IL21R: variants seen among roughly 807,000 people sequenced by gnomAD.
IL21R encodes interleukin-21 receptor.
IL21R carries 14 observed loss-of-function variants against 41.3 expected under a neutral mutation model. The observed-to-expected ratio is 0.34, with a 90% CI of 0.22 to 0.53. The LOEUF is 0.53. IL21R is among the 20% of genes least tolerant of loss of function. IL21R has a pLI of 0.94. For synonymous variants in IL21R, 286 were observed against 287.6 expected (o/e 0.99, Z 0.05); for missense variants, 588 against 681.6 (o/e 0.86, Z 1.53).
At chr16:27,436,985 G>A (rs1258870238) in intron 3 of IL21R, among the ~76,000 whole-genome samples, 2 of 152,110 alleles carry the variant, frequency 1.3e-5, no homozygotes, top group Non-Finnish European at 2.9e-5. Context: ...GAGGTGGGAG[G>A]ATCAGCTGAG....
intron 2 of IL21R, among the ~76,000 whole-genome samples, chr16:27,433,864 G>T (rs1032385715): frequency 3.9e-5 from 6 of 152,100 alleles, no homozygotes; most frequent in African/African-American, 7.2e-5. Flanking sequence ...CTGTAGAGCC[G>T]AGTCCTCTTC....
chr16:27,403,518 C>T (rs530816118), intron 1 of IL21R, among the ~76,000 whole-genome samples: 71 of 152,256 alleles, frequency 4.7e-4, no homozygotes, highest in African/African-American at 1.5e-3. Flanking sequence ...GGTCAAAACC[C>T]GGCCACGCGC....
At chr16:27,403,240 C>T (rs2086688579) in intron 1 of IL21R, 1 of 1,330,420 alleles carries the variant, frequency 7.5e-7, no homozygotes, top group African/African-American at 1.5e-5. Context: ...CAACCCAGTT[C>T]CCTGTGCATG....
chr16:27,402,742 T>C (rs966705899), intron 1 of IL21R, 124 bp downstream of exon 1: 7 of 211,888 alleles, frequency 3.3e-5, no homozygotes, highest in African/African-American at 9.2e-5. Flanking sequence ...CAAGTCACAA[T>C]TGGGGACACT....
At chr16:27,443,595 C>T (rs1159893616) in intron 5 of IL21R, among the ~76,000 whole-genome samples, 2 of 152,116 alleles carry the variant, frequency 1.3e-5, no homozygotes, top group Non-Finnish European at 2.9e-5. Context: ...CCAGCCAGGG[C>T]AACATGGTGA....
chr16:27,440,286 A>AGAGAGAGAGAGGGAGAGAG (rs1567370101), intron 4 of IL21R, among the ~76,000 whole-genome samples: 1 of 105,472 alleles, frequency 9.5e-6, no homozygotes, highest in African/African-American at 4.4e-5. Flanking sequence ...GAGAGCGAGC[A>AGAGAGAGAGAGGGAGAGAG]AGCGCGCGCC....
intron 8 of IL21R, among the ~76,000 whole-genome samples, chr16:27,447,096 A>G (rs926069353): frequency 6.6e-6 from 1 of 152,196 alleles, no homozygotes; most frequent in Non-Finnish European, 1.5e-5. Context: ...CCCCCAGGGC[A>G]CCCATGAGGA....
At chr16:27,438,181 C>T (rs1039105313) in intron 4 of IL21R, among the ~76,000 whole-genome samples, 7 of 152,174 alleles carry the variant, frequency 4.6e-5, no homozygotes, top group African/African-American at 1.7e-4. Context: ...ATGGATGAGG[C>T]ATACCTACCT....
intron 1 of IL21R, among the ~76,000 whole-genome samples, chr16:27,429,021 C>G (rs1049796544): frequency 6.6e-6 from 1 of 151,858 alleles, no homozygotes; most frequent in Non-Finnish European, 1.5e-5. Flanking sequence ...GCCAGGAGTT[C>G]GAGACCAGCC....
At chr16:27,429,779 A>G (rs965269948) in intron 1 of IL21R, among the ~76,000 whole-genome samples, 3 of 152,214 alleles carry the variant, frequency 2.0e-5, no homozygotes, top group African/African-American at 7.2e-5. Flanking sequence ...ATCTCTAAAA[A>G]TATTAAAATA....
intron 1 of IL21R, among the ~76,000 whole-genome samples, chr16:27,413,316 G>T (rs1322463721): frequency 6.6e-6 from 1 of 152,036 alleles, no homozygotes; most frequent in Admixed American, 6.5e-5. Flanking sequence ...ATCCTACTTG[G>T]TCATGGTGTA....
Position 27,419,013 on chromosome 16 carries a change from G to A in IL21R, c.-16-11043G>A, listed in dbSNP as rs538135922. The stretch of plus-strand genomic sequence containing the variant: ...GCGGATCGCCTGCAATCAGGAATTC[G>A]AGACCAGCCTGGCCAACATGGTGAA... On this transcript the variant is annotated intron_variant, in intron 1 of 8. Coordinates refer to ENST00000337929, the MANE Select transcript of IL21R (RefSeq NM_181078.3). Among the ~76,000 whole-genome samples the A allele has an allele frequency of 6.6e-5, 10 of 152,010 alleles. No homozygotes were observed. The East Asian group carries it at 1.6e-3, about 24-fold the overall frequency.
At chr16:27,414,186 G>GTGTGTGTGTGTGTGTA (rs1016862427) in intron 1 of IL21R, among the ~76,000 whole-genome samples, 30 of 151,834 alleles carry the variant, frequency 2.0e-4, no homozygotes, top group African/African-American at 7.2e-4. Flanking sequence ...GTGTGTGTGT[G>GTGTGTGTGTGTGTGTA]TGTGATCGTA....
intron 1 of IL21R, among the ~76,000 whole-genome samples, chr16:27,414,165 A>AGTGTGTGTGTGTGTGT (rs3917005): frequency 0.1 from 15,090 of 144,138 alleles, 1,040 homozygotes; most frequent in African/African-American, 0.17. Flanking sequence ...AGCTATGTAT[A>AGTGTGTGTGTGTGTGT]GTGTGTGTGT....
Position 27,448,979 on chromosome 16 carries a change from T to A in IL21R, c.1313T>A (p.Leu438Gln), listed in dbSNP as rs1427792082. 1 of 1,612,918 alleles carries A rather than the reference T, an allele frequency of 6.2e-7. No homozygotes were observed. The highest frequency in any genetic ancestry group is 8.5e-7 in the Non-Finnish European group (1 of 1,179,874). Residue 438 changes from leucine to glutamine, a missense_variant, in exon 9 of 9, where the codon CTA becomes CAA. By Grantham distance (113) the Leu-to-Gln change is moderately radical (BLOSUM62 -2). Transcript: ENST00000337929. ...TGTGTCTCAGCTGGCAGCCCTGGGC[T>A]AGGAGGGCCCCTGGGAAGCCTCCTG... ...CGCVSAGSPG[L>Q]GGPLGSLLDR...
At chr16:27,446,862 G>A (rs775958296) in intron 8 of IL21R, among the ~76,000 whole-genome samples, 27 of 152,212 alleles carry the variant, frequency 1.8e-4, no homozygotes, top group African/African-American at 6.0e-4. Context: ...ATTTACAGCC[G>A]TGTCACCCAC....
rs528051527 is a variant in IL21R at position 27,448,997 on chromosome 16, G to A, written c.1331G>A (p.Ser444Asn). Reference protein sequence around the residue: ...GSPGLGGPLGSLLDRLKPPLA... With the variant: ...GSPGLGGPLGNLLDRLKPPLA... The stretch of plus-strand genomic sequence containing the variant: ...CCTGGGCTAGGAGGGCCCCTGGGAA[G>A]CCTCCTGGACAGACTAAAGCCACCC... The change falls in exon 9 of 9, where the codon AGC becomes AAC. Residue 444 changes from serine to asparagine, a missense_variant. Ser to Asn is a conservative substitution (Grantham distance 46, BLOSUM62 1). Coordinates refer to ENST00000337929, the MANE Select transcript of IL21R (RefSeq NM_181078.3). The A allele has an allele frequency of 6.9e-5, 112 of 1,612,626 alleles. No individual in the cohort carries two copies. The highest frequency in any genetic ancestry group is 9.2e-5 in the Non-Finnish European group (108 of 1,179,888).
intron 4 of IL21R, among the ~76,000 whole-genome samples, chr16:27,441,126 A>C (rs1490140082): frequency 2.6e-5 from 4 of 151,732 alleles, no homozygotes; most frequent in Admixed American, 2.0e-4. Flanking sequence ...GAAGGAAGGA[A>C]GGAGAACAAA....
intron 1 of IL21R, among the ~76,000 whole-genome samples, chr16:27,404,579 A>G (rs2086709019): frequency 6.6e-6 from 1 of 152,182 alleles, no homozygotes; most frequent in Admixed American, 6.5e-5. Flanking sequence ...CGTTCCTTCC[A>G]CAGCCAGAGA....
Sources: allele counts gnomAD v4.1 joint callset (sites outside exome capture counted in the v4.1 genomes callset), GRCh38; gene constraint gnomAD v4.1.1; transcripts MANE v1.5; gene names NCBI Gene and HGNC (gene_info 2026-07-23, HGNC 2026-07-21).